ASIC2: variants seen among roughly 807,000 people sequenced by gnomAD.
ASIC2 encodes the protein acid sensing ion channel subunit 2, also known as acid-sensing ion channel 2.
In ASIC2, 25 loss-of-function variants were observed where a neutral mutation model predicts 57.3. The observed-to-expected ratio is 0.44, with a 90% CI of 0.32 to 0.61. The LOEUF (loss-of-function observed/expected upper bound fraction) is 0.61. Among genes scored for constraint, ASIC2 ranks in the 20% least tolerant of loss-of-function variants. The pLI is 0.06. For synonymous variants in ASIC2, 319 were observed against 307.5 expected, an observed-to-expected ratio of 1.04 and a Z score of -0.39; for missense variants, 641 against 738.1, an observed-to-expected ratio of 0.87 and a Z score of 1.52.
At chr17:33,460,624 T>A (rs981287638) in intron 1 of ASIC2, among the ~76,000 whole-genome samples, 1 of 152,234 alleles carries the variant, frequency 6.6e-6, no homozygotes, top group African/African-American at 2.4e-5. Context: ...AACAAAGGAA[T>A]GCTTTCTGTT....
chr17:34,152,634 A>T (rs1343883156), intron 1 of ASIC2, among the ~76,000 whole-genome samples: 1 of 152,238 alleles, frequency 6.6e-6, no homozygotes, highest in Non-Finnish European at 1.5e-5. Flanking sequence ...CACAGTGTAC[A>T]CATATATTGC....
At chr17:34,010,511 C>T (rs553460031) in intron 1 of ASIC2, among the ~76,000 whole-genome samples, 36 of 152,260 alleles carry the variant, frequency 2.4e-4, no homozygotes, top group African/African-American at 8.7e-4. Context: ...GGGACTGATG[C>T]CTTCTTTTGA....
intron 1 of ASIC2, among the ~76,000 whole-genome samples, chr17:33,392,509 C>T (rs1024606726): frequency 6.6e-6 from 1 of 152,078 alleles, no homozygotes; most frequent in East Asian, 1.9e-4. Flanking sequence ...AGGCAATCTG[C>T]CTGCTTTGGC....
At chr17:33,756,562 C>G (rs567543906) in intron 1 of ASIC2, among the ~76,000 whole-genome samples, 1 of 152,350 alleles carries the variant, frequency 6.6e-6, no homozygotes, top group South Asian at 2.1e-4. Context: ...GAGACCTACA[C>G]TCACAAGAGC....
intron 1 of ASIC2, among the ~76,000 whole-genome samples, chr17:33,232,978 G>T (rs1908165921): frequency 6.6e-6 from 1 of 152,138 alleles, no homozygotes; most frequent in Non-Finnish European, 1.5e-5. Context: ...CCCCTAGAGG[G>T]AGTGAGGCCT....
intron 1 of ASIC2, among the ~76,000 whole-genome samples, chr17:33,340,175 T>C (rs1318069920): frequency 1.3e-5 from 2 of 152,202 alleles, no homozygotes; most frequent in African/African-American, 4.8e-5. Flanking sequence ...TCACCTTTGC[T>C]CTTGGTATAT....
chr17:33,422,146 T>A (rs1363703861), intron 1 of ASIC2, among the ~76,000 whole-genome samples: 1 of 152,228 alleles, frequency 6.6e-6, no homozygotes, highest in African/African-American at 2.4e-5. Context: ...GAGCAGCTGC[T>A]TCTGTAGGCA....
At chr17:33,183,295 T>A (rs958218959) in intron 1 of ASIC2, among the ~76,000 whole-genome samples, 2 of 152,242 alleles carry the variant, frequency 1.3e-5, no homozygotes, top group South Asian at 4.1e-4. Context: ...GTTTTATTAC[T>A]TTCAAATGTT....
intron 3 of ASIC2, among the ~76,000 whole-genome samples, chr17:33,070,305 AG>A (rs1317484415): frequency 1.3e-5 from 2 of 151,396 alleles, no homozygotes; most frequent in Non-Finnish European, 2.9e-5. Context: ...TTGTAGTTAT[AG>A]GTTGGTGCAA....
At chr17:33,015,752 G>T (rs1446074076) in intron 9 of ASIC2, among the ~76,000 whole-genome samples, 1 of 152,174 alleles carries the variant, frequency 6.6e-6, no homozygotes, top group African/African-American at 2.4e-5. Context: ...AGCACCTCCT[G>T]GTGTCTGCTG....
intron 1 of ASIC2, among the ~76,000 whole-genome samples, chr17:34,133,575 G>T (rs1020200220): frequency 3.3e-5 from 5 of 152,238 alleles, no homozygotes; most frequent in Non-Finnish European, 1.5e-5. Flanking sequence ...ATGCCAATGA[G>T]CCTGGTACTC....
intron 1 of ASIC2, among the ~76,000 whole-genome samples, chr17:33,764,315 TAAAAA>T (rs575208109): frequency 9.0e-6 from 1 of 111,022 alleles, no homozygotes; most frequent in African/African-American, 3.3e-5. Flanking sequence ...AGACTCTGTC[TAAAAA>T]AAAAAAAAAA....
At chr17:34,036,018 C>A (rs1215494538) in intron 1 of ASIC2, among the ~76,000 whole-genome samples, 1 of 152,040 alleles carries the variant, frequency 6.6e-6, no homozygotes, top group Admixed American at 6.6e-5. Context: ...TTTGACCCAG[C>A]CATCCCATAA....
chr17:34,074,570 A>T (rs1221782135), intron 1 of ASIC2, among the ~76,000 whole-genome samples: 1 of 152,140 alleles, frequency 6.6e-6, no homozygotes, highest in Non-Finnish European at 1.5e-5. Flanking sequence ...GCCAGGCCCT[A>T]TCCCAAAGTA....
At chr17:33,091,212 A>G (rs944350150) in intron 2 of ASIC2, among the ~76,000 whole-genome samples, 5 of 152,282 alleles carry the variant, frequency 3.3e-5, no homozygotes, top group South Asian at 4.1e-4. Flanking sequence ...ACTGGATGGA[A>G]TGAGGGGGTT....
intron 1 of ASIC2, among the ~76,000 whole-genome samples, chr17:33,396,819 C>A (rs1430052913): frequency 6.6e-6 from 1 of 152,132 alleles, no homozygotes; most frequent in Admixed American, 6.5e-5. Flanking sequence ...TTACCTAGTC[C>A]ACTTCTCTGC....
At chr17:33,569,044 C>G (rs1916343492) in intron 1 of ASIC2, 1 of 152,218 alleles carries the variant, frequency 6.6e-6, no homozygotes, top group African/African-American at 2.4e-5. Flanking sequence ...ACTCACTTTG[C>G]CTTTCTCTCT....
chr17:33,412,843 C>T (rs1910712439), intron 1 of ASIC2, among the ~76,000 whole-genome samples: 4 of 152,138 alleles, frequency 2.6e-5, no homozygotes, highest in Admixed American at 2.6e-4. Context: ...GAGCTCTGTG[C>T]AACTAGCAGT....
chr17:33,443,444 C>T (rs544896741), intron 1 of ASIC2, among the ~76,000 whole-genome samples: 94 of 95,434 alleles, frequency 9.8e-4, no homozygotes, highest in South Asian at 6.9e-3. Flanking sequence ...GACGGAGTCT[C>T]GCTCTGTCGC....
Sources: allele counts gnomAD v4.1 joint callset (sites outside exome capture counted in the v4.1 genomes callset), GRCh38; gene constraint gnomAD v4.1.1; transcripts MANE v1.5; gene names NCBI Gene and HGNC (gene_info 2026-07-23, HGNC 2026-07-21).